The following FHOD3 variants were observed in gnomAD, a reference collection of about 807,000 sequenced individuals.
FHOD3 encodes formin homology 2 domain containing 3.
Under a neutral mutation model 173.0 loss-of-function variants are expected in FHOD3, and 90 were observed. The observed-to-expected ratio is 0.52, with a 90% CI of 0.44 to 0.62. FHOD3 has a LOEUF of 0.62. FHOD3 is among the 20% of genes least tolerant of loss of function. The pLI, the probability that FHOD3 is intolerant of heterozygous loss-of-function variation, is 0.00. For synonymous variants in FHOD3, 828 were observed against 823.0 expected, an observed-to-expected ratio of 1.01 and a Z score of -0.10; for missense variants, 1,945 against 2,034.7, an observed-to-expected ratio of 0.96 and a Z score of 0.85.
intron 3 of FHOD3, among the ~76,000 whole-genome samples, chr18:36,434,008 C>T (rs755313873): frequency 4.6e-5 from 7 of 152,104 alleles, no homozygotes; most frequent in South Asian, 2.1e-4. Flanking sequence ...AGGCCCTCTC[C>T]GCTCCCCACC....
At chr18:36,683,173 G>T (rs891166423) in intron 15 of FHOD3, among the ~76,000 whole-genome samples, 1 of 152,178 alleles carries the variant, frequency 6.6e-6, no homozygotes, top group Non-Finnish European at 1.5e-5. Flanking sequence ...GGTAGTTCTG[G>T]AAGTTGTCAC....
At chr18:36,512,201 C>T (rs1944122908) in intron 4 of FHOD3, among the ~76,000 whole-genome samples, 1 of 152,188 alleles carries the variant, frequency 6.6e-6, no homozygotes, top group African/African-American at 2.4e-5. Flanking sequence ...GATTCATTTG[C>T]CTTATCTTTA....
In FHOD3 at chr18:36,779,467, C is replaced by G. The variant is rs761561531; in HGVS notation, c.4806C>G (p.Ser1602Arg). Residue 1602 changes from serine (S) to arginine (R), a missense_variant, in exon 29 of 29, where the codon AGC becomes AGG. Physicochemically the swap from Ser to Arg is moderately radical, Grantham distance 110. Coordinates refer to ENST00000590592, the MANE Select transcript of FHOD3 (RefSeq NM_001281740.3). ...CTGCAGTGCGAAGAACCCTGAAGAG[C>G]GGCCTGACCCCAGAAGAAGCCAGAG... ...NRKSLRRTLKSGLTPEEARAL... is the reference protein window; with the variant it reads ...NRKSLRRTLKRGLTPEEARAL... The G allele has an allele frequency of 6.2e-7, 1 of 1,614,134 alleles. No homozygotes were observed. The highest frequency in any genetic ancestry group is 1.7e-5 in the Admixed American group (1 of 60,030).
intron 14 of FHOD3, among the ~76,000 whole-genome samples, chr18:36,676,982 G>C (rs1256437074): frequency 1.3e-5 from 2 of 152,000 alleles, no homozygotes; most frequent in African/African-American, 4.8e-5. Context: ...CTTTCAATGT[G>C]CACAAATTTT....
intron 6 of FHOD3, 45 bp downstream of exon 6, chr18:36,576,590 AC>A: frequency 6.9e-7 from 1 of 1,458,994 alleles, no homozygotes; most frequent in Non-Finnish European, 9.4e-7. Context: ...TTGTCATATC[AC>A]TTGCCTTTCT....
chr18:36,561,537 A>G (rs1317324350), intron 5 of FHOD3, among the ~76,000 whole-genome samples: 2 of 152,224 alleles, frequency 1.3e-5, no homozygotes, highest in Non-Finnish European at 2.9e-5. Context: ...TATTTTTGAT[A>G]TGATTTGATT....
At chr18:36,628,787 G>A (rs1435222230) in intron 10 of FHOD3, among the ~76,000 whole-genome samples, 5 of 152,162 alleles carry the variant, frequency 3.3e-5, no homozygotes, top group African/African-American at 4.8e-5. Context: ...CCCAAGAGAT[G>A]GGGTACACTT....
chr18:36,580,422 A>T (rs1185647299), intron 6 of FHOD3, among the ~76,000 whole-genome samples: 1 of 152,228 alleles, frequency 6.6e-6, no homozygotes, highest in Non-Finnish European at 1.5e-5. Flanking sequence ...GCCAAGAGTC[A>T]GCCTGTGCCT....
At chr18:36,600,153 CCTCCATCCCA>C (rs2031137637) in intron 7 of FHOD3, among the ~76,000 whole-genome samples, 1 of 152,002 alleles carries the variant, frequency 6.6e-6, no homozygotes, top group African/African-American at 2.4e-5. Flanking sequence ...TTCCTGAGCC[CCTCCATCCCA>C]CTCCTTTGGG....
chr18:36,667,177 TTGTA>T (rs1343466433), intron 14 of FHOD3, among the ~76,000 whole-genome samples: 1 of 152,200 alleles, frequency 6.6e-6, no homozygotes, highest in African/African-American at 2.4e-5. Flanking sequence ...TGGGTTGTCT[TTGTA>T]TGTACATGTG....
intron 1 of FHOD3, among the ~76,000 whole-genome samples, chr18:36,301,193 A>G (rs775086820): frequency 2.5e-4 from 38 of 152,194 alleles, no homozygotes; most frequent in Non-Finnish European, 5.0e-4. Context: ...AAGCTCTCCT[A>G]GGGATTCTCC....
intron 2 of FHOD3, among the ~76,000 whole-genome samples, chr18:36,357,673 A>T (rs2046423803): frequency 6.6e-6 from 1 of 152,220 alleles, no homozygotes; most frequent in Admixed American, 6.5e-5. Context: ...CCATTGCAAT[A>T]GTTTTTATCA....
chr18:36,329,523 A>G (rs1291478063), intron 1 of FHOD3, among the ~76,000 whole-genome samples: 1 of 152,148 alleles, frequency 6.6e-6, no homozygotes, highest in Admixed American at 6.5e-5. Flanking sequence ...GATTCTCTCA[A>G]GATGATGAAG....
At chr18:36,709,420 A>G (rs1382232348) in intron 18 of FHOD3, 29 bp downstream of exon 18, 1 of 1,594,956 alleles carries the variant, frequency 6.3e-7, no homozygotes, top group African/African-American at 1.3e-5. Flanking sequence ...TTCAGTCGGC[A>G]TGTGCCAGGG....
chr18:36,361,898 T>A lies in FHOD3; in HGVS notation c.272+6253T>A, dbSNP rs193104031. On this transcript the variant is annotated intron_variant, in intron 2 of 28. Coordinates refer to ENST00000590592, the MANE Select transcript of FHOD3 (RefSeq NM_001281740.3). Reference sequence around the variant, plus strand: ...GTGATTTTCAAAGCTTCCAGGTGATTTCAGTGTGCAGTCAAAGTTGAGAAC... The same window carrying A: ...GTGATTTTCAAAGCTTCCAGGTGATATCAGTGTGCAGTCAAAGTTGAGAAC... 1.4e-3 allele frequency among the ~76,000 whole-genome samples: 212 copies of A among 152,192 alleles called. 6 individuals are homozygous for A. Among genetic ancestry groups the A allele is most frequent in the Admixed American group, 0.013 (206 of 15,278 alleles).
chr18:36,350,465 C>T (rs1250296485), intron 1 of FHOD3, among the ~76,000 whole-genome samples: 1 of 152,194 alleles, frequency 6.6e-6, no homozygotes, highest in Non-Finnish European at 1.5e-5. Flanking sequence ...TGGCTCCTGG[C>T]TTTGTCTTAT....
At chr18:36,655,845 G>T (rs555362002) in intron 13 of FHOD3, among the ~76,000 whole-genome samples, 1 of 152,270 alleles carries the variant, frequency 6.6e-6, no homozygotes, top group South Asian at 2.1e-4. Context: ...AGACTATGAG[G>T]CATTTGAATT....
intron 1 of FHOD3, among the ~76,000 whole-genome samples, chr18:36,304,749 A>G (rs1230133360): frequency 6.6e-6 from 1 of 152,248 alleles, no homozygotes; most frequent in African/African-American, 2.4e-5. Context: ...GCGAAATGCT[A>G]AGGTAGAGAT....
At chr18:36,703,987 G>A (rs2039729986) in intron 17 of FHOD3, among the ~76,000 whole-genome samples, 1 of 152,164 alleles carries the variant, frequency 6.6e-6, no homozygotes, top group Non-Finnish European at 1.5e-5. Context: ...TCCTTTTAGT[G>A]GCTGTGTTCT....
Sources: allele counts gnomAD v4.1 joint callset (sites outside exome capture counted in the v4.1 genomes callset), GRCh38; gene constraint gnomAD v4.1.1; transcripts MANE v1.5; gene names NCBI Gene and HGNC (gene_info 2026-07-23, HGNC 2026-07-21).